Variants in TBC1D5 observed in about 807,000 individuals in gnomAD.
TBC1D5 encodes TBC1 domain family, member 5.
A neutral mutation model predicts 100.3 loss-of-function variants in TBC1D5; 75 were observed. That is an observed-to-expected ratio of 0.75 (90% CI 0.62 to 0.91). TBC1D5 has a LOEUF of 0.91. Ranked by LOEUF, TBC1D5 falls within the 40% of genes least tolerant of loss-of-function variation. The pLI, the probability that TBC1D5 is intolerant of heterozygous loss-of-function variation, is 0.00. For synonymous variants in TBC1D5, 323 were observed against 325.6 expected (o/e 0.99, Z 0.09); for missense variants, 910 against 942.4 (o/e 0.97, Z 0.45).
At chr3:17,479,756 C>T (rs57904270) in intron 3 of TBC1D5, among the ~76,000 whole-genome samples, 11,646 of 152,224 alleles carry the variant, frequency 0.077, 898 homozygotes, top group African/African-American at 0.2. Flanking sequence ...GAAGATCACA[C>T]TGATTTCAGC....
In TBC1D5 at chr3:17,429,310, T is replaced by C. The variant is rs79942044; in HGVS notation, c.98-791A>G. Among the ~76,000 whole-genome samples, 65 of 152,010 alleles carry C rather than the reference T, an allele frequency of 4.3e-4. 3 individuals are homozygous for C. In the Middle Eastern group the frequency reaches 0.01, roughly 24 times the overall value. On this transcript the variant is annotated intron_variant, in intron 3 of 21. Coordinates refer to ENST00000253692, the Ensembl canonical transcript of TBC1D5. ...CCCCGTTGTTATATATTCTTATTGATTGAAATTTCATAGTTCAATTTTTTT... is the reference window on the plus strand; with the variant it reads ...CCCCGTTGTTATATATTCTTATTGACTGAAATTTCATAGTTCAATTTTTTT...
At chr3:17,419,812 A>T (rs1250121972) in intron 4 of TBC1D5, among the ~76,000 whole-genome samples, 3 of 152,166 alleles carry the variant, frequency 2.0e-5, no homozygotes, top group African/African-American at 7.2e-5. Flanking sequence ...AATAGGTGGG[A>T]CTAGAGGCAT....
At chr3:17,657,169 C>A (rs2066153256) in intron 1 of TBC1D5, among the ~76,000 whole-genome samples, 1 of 152,022 alleles carries the variant, frequency 6.6e-6, no homozygotes, top group Non-Finnish European at 1.5e-5. Flanking sequence ...GGAGCATCCA[C>A]CTGCAACTCC....
In TBC1D5 at chr3:17,213,284, T is replaced by C. The variant is rs117203818; in HGVS notation, c.1752+923A>G. Among the ~76,000 whole-genome samples the C allele has an allele frequency of 7.9e-4, 121 of 152,372 alleles. 2 individuals carry two copies. The South Asian group carries it at 0.011, about 14-fold the overall frequency. On this transcript the variant is annotated intron_variant, in intron 18 of 21. Coordinates refer to ENST00000253692, the Ensembl canonical transcript of TBC1D5. Reference sequence around the variant, plus strand: ...CCATGTAGTTTGTATAAGTACACTCTATGATGTTTGCACTATGATGAAATT... The same window carrying C: ...CCATGTAGTTTGTATAAGTACACTCCATGATGTTTGCACTATGATGAAATT...
In TBC1D5 at chr3:17,367,072, A is replaced by G. The variant is rs550236817; in HGVS notation, c.995+5003T>C. 4.4e-4 allele frequency among the ~76,000 whole-genome samples: 67 copies of G among 152,326 alleles called. 1 individual carries two copies. In the South Asian group the frequency reaches 0.013, roughly 31 times the overall value. On this transcript the variant is annotated intron_variant, in intron 13 of 21. Transcript: ENST00000253692. The stretch of plus-strand genomic sequence containing the variant: ...TTTCCTCAAAAGTGACATTAATTGC[A>G]TATCCCACAGATGCCTATTATGTAC...
intron 14 of TBC1D5, among the ~76,000 whole-genome samples, chr3:17,293,908 T>G (rs1178923288): frequency 1.3e-5 from 2 of 152,226 alleles, no homozygotes. Context: ...AAGGTACAAT[T>G]ATTATCTTTG....
intron 15 of TBC1D5, among the ~76,000 whole-genome samples, chr3:17,290,986 T>C (rs891483884): frequency 6.6e-6 from 1 of 152,202 alleles, no homozygotes; most frequent in African/African-American, 2.4e-5. Context: ...AGAAATCCTT[T>C]AGAATCTAAA....
At chr3:17,214,420 AGCT>A (rs1436052384) in intron 17 of TBC1D5, 50 bp from the exon 19 acceptor site, 2 of 1,563,850 alleles carry the variant, frequency 1.3e-6, no homozygotes, top group Admixed American at 3.7e-5. Flanking sequence ...TCTTTCACTA[AGCT>A]ATTCGATCTA....
chr3:17,593,094 T>C (rs2060337147), intron 2 of TBC1D5, among the ~76,000 whole-genome samples: 1 of 152,152 alleles, frequency 6.6e-6, no homozygotes, highest in African/African-American at 2.4e-5. Flanking sequence ...GTAGCTCAAA[T>C]GCCCATGTTC....
intron 3 of TBC1D5, among the ~76,000 whole-genome samples, chr3:17,435,916 G>A (rs182981926): frequency 2.7e-4 from 41 of 152,338 alleles, no homozygotes; most frequent in African/African-American, 8.7e-4. Flanking sequence ...ATCACTATAT[G>A]AGGACTGCAA....
intron 3 of TBC1D5, among the ~76,000 whole-genome samples, chr3:17,456,960 A>C (rs2095100126): frequency 6.6e-6 from 1 of 152,164 alleles, no homozygotes; most frequent in African/African-American, 2.4e-5. Context: ...ATAAGACAAA[A>C]AGTTGAATAG....
At chr3:17,462,395 C>T (rs2095230041) in intron 3 of TBC1D5, among the ~76,000 whole-genome samples, 1 of 149,290 alleles carries the variant, frequency 6.7e-6, no homozygotes, top group South Asian at 2.1e-4. Flanking sequence ...GATCATAGCT[C>T]ACCGCAGCCT....
intron 3 of TBC1D5, among the ~76,000 whole-genome samples, chr3:17,481,581 T>A (rs1172469839): frequency 2.0e-5 from 3 of 151,992 alleles, no homozygotes; most frequent in Non-Finnish European, 4.4e-5. Context: ...ATGTCCCAAA[T>A]TATGCCTCTC....
intron 2 of TBC1D5, among the ~76,000 whole-genome samples, chr3:17,611,168 T>C (rs143267094): frequency 2.0e-5 from 3 of 152,230 alleles, no homozygotes; most frequent in East Asian, 1.9e-4. Context: ...GGTTATATGA[T>C]GATACTAAAA....
At chr3:17,349,946 A>AGAT (rs139863636) in intron 13 of TBC1D5, among the ~76,000 whole-genome samples, 10 of 152,352 alleles carry the variant, frequency 6.6e-5, no homozygotes, top group African/African-American at 2.4e-4. Flanking sequence ...TGTTCATTTT[A>AGAT]GATATGTAAA....
chr3:17,475,146 T>A (rs2095422770), intron 3 of TBC1D5, among the ~76,000 whole-genome samples: 1 of 152,050 alleles, frequency 6.6e-6, no homozygotes, highest in South Asian at 2.1e-4. Context: ...AATCTCTACA[T>A]GTTAAGAGTA....
intron 3 of TBC1D5, among the ~76,000 whole-genome samples, chr3:17,471,559 TA>T (rs965623569): frequency 1.4e-5 from 2 of 146,122 alleles, no homozygotes; most frequent in African/African-American, 5.0e-5. Flanking sequence ...AACAGCATTT[TA>T]AAAAATCAAA....
intron 2 of TBC1D5, among the ~76,000 whole-genome samples, chr3:17,577,233 T>C (rs544086601): frequency 1.3e-3 from 199 of 152,090 alleles, no homozygotes; most frequent in Non-Finnish European, 2.2e-3. Flanking sequence ...CTTTAAGCTG[T>C]AGTGTCTGCA....
chr3:17,455,404 G>A (rs189271318), intron 3 of TBC1D5, among the ~76,000 whole-genome samples: 1,591 of 127,082 alleles, frequency 0.013, 25 homozygotes, highest in African/African-American at 0.057. Flanking sequence ...ATACACACAC[G>A]TGTGTGTATA....
Sources: gnomAD v4.1 joint callset for allele counts (sites outside exome capture counted in the v4.1 genomes callset) on GRCh38, gnomAD v4.1.1 for gene constraint, MANE v1.5 for transcripts, NCBI Gene and HGNC (gene_info 2026-07-23, HGNC 2026-07-21) for gene names.